Variants in SMARCB1 observed in about 807,000 individuals in gnomAD.
SMARCB1 encodes SWI/SNF related BAF chromatin remodeling complex subunit B1, also known as SWI/SNF-related matrix-associated actin-dependent regulator of chromatin subfamily B member 1.
In SMARCB1, 5 loss-of-function variants were observed where a neutral mutation model predicts 49.0. The observed-to-expected ratio is 0.10, with a 90% CI of 0.05 to 0.21. The LOEUF is 0.21. Among genes scored for constraint, SMARCB1 ranks in the 10% least tolerant of loss-of-function variants. The pLI is 1.00. For missense variants in SMARCB1, 226 were observed against 509.2 expected (o/e 0.44, Z 5.35); for synonymous variants, 201 against 200.1 (o/e 1.00, Z -0.04).
At chr22:23,827,224 G>A (rs1039633671) in intron 7 of SMARCB1, among the ~76,000 whole-genome samples, 6 of 152,202 alleles carry the variant, frequency 3.9e-5, no homozygotes, top group South Asian at 4.1e-4. Flanking sequence ...CAGCCCCTAC[G>A]GTGTTGACCT....
chr22:23,800,749 C>T (rs1256148641), intron 3 of SMARCB1, among the ~76,000 whole-genome samples, 195 bp from the exon 4 acceptor site: 3 of 152,166 alleles, frequency 2.0e-5, no homozygotes, highest in African/African-American at 7.2e-5. Flanking sequence ...GTACCCTTGC[C>T]CTTGCCCAGG....
intron 2 of SMARCB1, chr22:23,793,287 C>G (rs748739987): frequency 1.9e-6 from 1 of 521,792 alleles, no homozygotes; most frequent in Non-Finnish European, 3.5e-6. Context: ...GCTGGTGCTG[C>G]CCTGAGCACT....
chr22:23,797,564 C>T (rs1487077403), intron 3 of SMARCB1, among the ~76,000 whole-genome samples: 2 of 149,096 alleles, frequency 1.3e-5, no homozygotes, highest in Non-Finnish European at 3.0e-5. Context: ...CCCACCTCGG[C>T]CTCCCAAAGT....
At position 23,834,615 on chromosome 22, in the gene SMARCB1, T is replaced by A. The variant is rs1384590805; in HGVS notation, c.*435T>A. 39 of 744,030 alleles carry A rather than the reference T, an allele frequency of 5.2e-5. No homozygotes were observed. Among genetic ancestry groups the A allele is most frequent in the Non-Finnish European group, 8.1e-5 (35 of 434,362 alleles). 46.1% of individuals were successfully genotyped at this position (744,030 alleles called of 1,614,324 possible). A position where few individuals can be genotyped will look rare whatever the true frequency, so the allele number is the denominator to read the frequency against. On this transcript the variant is annotated 3_prime_UTR_variant, in exon 9 of 9. Transcript: ENST00000644036. Reference sequence around the variant, plus strand: ...GGACGAAGGTGGTATGTGAACAAGGTTGGCACACAGGCCTCACCCTCCTCT... The same window carrying A: ...GGACGAAGGTGGTATGTGAACAAGGATGGCACACAGGCCTCACCCTCCTCT...
Position 23,793,554 on chromosome 22 carries a change from TACAGATC to T in SMARCB1, c.233-2_237del. 6.2e-7 allele frequency: 1 copy of T among 1,613,786 alleles called. No individual in the cohort carries two copies. The highest frequency in any genetic ancestry group is 8.5e-7 in the Non-Finnish European group (1 of 1,179,804). ...GAGTGACCCAGTGATGTTTGTCTGTTACAGATCACGGATACACGACTCTAGCCACCAG... is the reference window on the plus strand; with the variant it reads ...GAGTGACCCAGTGATGTTTGTCTGTTACGGATACACGACTCTAGCCACCAG... On this transcript the variant is annotated splice_acceptor_variant and splice_polypyrimidine_tract_variant and coding_sequence_variant and intron_variant, in exon 3 of 9. Coordinates refer to ENST00000644036, the MANE Select transcript of SMARCB1 (RefSeq NM_003073.5). LOFTEE classifies it high-confidence loss of function.
chr22:23,819,321 TATTCATTC>T lies in SMARCB1; in HGVS notation c.795+2405_795+2412del, dbSNP rs149317839. Reference sequence around the variant, plus strand: ...ATCTGTTGGTGTCCCTGTTTTCATTTATTCATTCATTCATTCATTCATTCATTTAGATG... The same window carrying T: ...ATCTGTTGGTGTCCCTGTTTTCATTTATTCATTCATTCATTCATTTAGATG... On this transcript the variant is annotated intron_variant, in intron 6 of 8. Coordinates refer to ENST00000644036, the MANE Select transcript of SMARCB1 (RefSeq NM_003073.5). Among the ~76,000 whole-genome samples, 658 of 151,484 alleles carry T rather than the reference TATTCATTC, an allele frequency of 4.3e-3. 1 individual carries two copies. The highest frequency in any genetic ancestry group is 0.015 in the African/African-American group (621 of 41,308).
chr22:23,793,291 G>A lies in SMARCB1; in HGVS notation c.233-268G>A, dbSNP rs571413308. 8 of 530,432 alleles carry A rather than the reference G, an allele frequency of 1.5e-5. No homozygotes were observed. In the East Asian group the frequency reaches 2.9e-4, roughly 19 times the overall value. The allele number at this position is 530,432 out of a possible 1,614,324, so 32.9% of individuals were successfully genotyped here. A position where few individuals can be genotyped will look rare whatever the true frequency, so the allele number is the denominator to read the frequency against. ...GTATTGTAGTTGCTGGTGCTGCCCT[G>A]AGCACTTCCCTCTGCCCCGAGCCAG... On this transcript the variant is annotated intron_variant, in intron 2 of 8. Coordinates refer to ENST00000644036, the MANE Select transcript of SMARCB1 (RefSeq NM_003073.5).
At chr22:23,788,566 C>T (rs762198170) in intron 1 of SMARCB1, among the ~76,000 whole-genome samples, 18 of 151,760 alleles carry the variant, frequency 1.2e-4, no homozygotes, top group Admixed American at 4.6e-4. Context: ...CCACCGTGCC[C>T]GACTAATTTT....
At chr22:23,816,543 C>A in intron 5 of SMARCB1, 2 of 623,630 alleles carry the variant, frequency 3.2e-6, no homozygotes, top group Non-Finnish European at 5.8e-6. Context: ...GCCATGACCA[C>A]CCCCAGGGCA....
Position 23,837,076 on chromosome 22 carries a change from G to A in SMARCB1, c.*2896G>A, listed in dbSNP as rs375769198. 1.9e-6 allele frequency: 3 copies of A among 1,613,814 alleles called. No homozygotes were observed. The highest frequency in any genetic ancestry group is 4.5e-5 in the East Asian group (2 of 44,886). ...TCTCAACACTCACAGGAAGCCAGGG[G>A]TCTGCAGGAGCCTCTTGCCTCCAGG... On this transcript the variant is annotated 3_prime_UTR_variant, in exon 9 of 9. Coordinates refer to ENST00000644036, the MANE Select transcript of SMARCB1 (RefSeq NM_003073.5).
In SMARCB1 at chr22:23,805,948, G is replaced by T. The variant is rs188360374; in HGVS notation, c.628+2526G>T. On this transcript the variant is annotated intron_variant, in intron 5 of 8. Transcript: ENST00000644036. ...TATACCCCCGCCCTGTTCCAGAAAG[G>T]ATGCAAGGAAGCTTACCATAAGTAC... is the stretch of plus-strand genomic sequence containing the variant. Among the ~76,000 whole-genome samples the T allele has an allele frequency of 3.6e-3, 550 of 152,304 alleles. 1 individual carries two copies. Among genetic ancestry groups the T allele is most frequent in the African/African-American group, 0.013 (523 of 41,554 alleles).
chr22:23,806,038 A>G (rs987858104), intron 5 of SMARCB1, among the ~76,000 whole-genome samples: 1 of 152,246 alleles, frequency 6.6e-6, no homozygotes. Context: ...TAAAGAGGAA[A>G]TGTTCAAGTT....
Position 23,836,500 on chromosome 22 carries a change from G to A in SMARCB1, c.*2320G>A, listed in dbSNP as rs1053476888. ...TGGGCAGGACTTGCCCAAGGCCCTG[G>A]TGGGGCCAGGATGAGAACCCTGAGC... On this transcript the variant is annotated 3_prime_UTR_variant, in exon 9 of 9. Coordinates refer to ENST00000644036, the MANE Select transcript of SMARCB1 (RefSeq NM_003073.5). 9.9e-6 allele frequency: 10 copies of A among 1,012,638 alleles called. No individual in the cohort carries two copies. Among genetic ancestry groups the A allele is most frequent in the Admixed American group, 1.2e-4 (2 of 16,952 alleles). The allele number at this position is 1,012,638 out of a possible 1,614,324, so 62.7% of individuals were successfully genotyped here.
At chr22:23,799,831 C>T (rs1350220618) in intron 3 of SMARCB1, among the ~76,000 whole-genome samples, 1 of 151,536 alleles carries the variant, frequency 6.6e-6, no homozygotes, top group Non-Finnish European at 1.5e-5. Flanking sequence ...ACTGCAGGCG[C>T]CTGCCACCAC....
At chr22:23,788,089 G>T (rs1002513962) in intron 1 of SMARCB1, among the ~76,000 whole-genome samples, 1 of 152,088 alleles carries the variant, frequency 6.6e-6, no homozygotes, top group Admixed American at 6.5e-5. Context: ...GCGCAGGCAG[G>T]TCTCCAACTC....
chr22:23,830,557 A>G (rs2030600037), intron 7 of SMARCB1, among the ~76,000 whole-genome samples: 1 of 150,298 alleles, frequency 6.7e-6, no homozygotes. Context: ...TGATTTGAAG[A>G]TATTTTCTCT....
In SMARCB1 at chr22:23,825,428, A is replaced by T. The variant is rs1186098412; in HGVS notation, c.986+13A>T. 1 of 1,610,848 alleles carries T rather than the reference A, an allele frequency of 6.2e-7. No individual in the cohort carries two copies. Among genetic ancestry groups the T allele is most frequent in the Non-Finnish European group, 8.5e-7 (1 of 1,177,126 alleles). ...CCTACGCCTTCAGGTAGGATCATGCATGAGTCTCTCCCTCCCTCATCTCCC... is the reference window on the plus strand; with the variant it reads ...CCTACGCCTTCAGGTAGGATCATGCTTGAGTCTCTCCCTCCCTCATCTCCC... On this transcript the variant is annotated intron_variant, in intron 7 of 8. Coordinates refer to ENST00000644036, the MANE Select transcript of SMARCB1 (RefSeq NM_003073.5).
intron 1 of SMARCB1, among the ~76,000 whole-genome samples, chr22:23,788,751 A>G (rs1021573318): frequency 2.6e-5 from 4 of 152,196 alleles, no homozygotes; most frequent in African/African-American, 4.8e-5. Flanking sequence ...ATCCTTCACA[A>G]TTGAGCATAG....
At chr22:23,799,298 G>A (rs1928981940) in intron 3 of SMARCB1, among the ~76,000 whole-genome samples, 2 of 147,716 alleles carry the variant, frequency 1.4e-5, no homozygotes, top group Admixed American at 6.8e-5. Flanking sequence ...TTTTTTTTTC[G>A]AGATAGGATG....
Sources: allele counts gnomAD v4.1 joint callset (sites outside exome capture counted in the v4.1 genomes callset), GRCh38; gene constraint gnomAD v4.1.1; transcripts MANE v1.5; gene names NCBI Gene and HGNC (gene_info 2026-07-23, HGNC 2026-07-21).